Variants in TEDC1 observed in about 807,000 individuals in gnomAD.
TEDC1 encodes the protein tubulin epsilon and delta complex 1, also known as tubulin epsilon and delta complex protein 1.
A neutral mutation model predicts 59.9 loss-of-function variants in TEDC1; 54 were observed. That is an observed-to-expected ratio of 0.90 (90% CI 0.72 to 1.13). TEDC1 has a LOEUF of 1.13. Ranked by LOEUF, TEDC1 falls within the 50% of genes most tolerant of loss-of-function variation. The pLI, the probability that TEDC1 is intolerant of heterozygous loss-of-function variation, is 0.00. For missense variants in TEDC1, 734 were observed against 683.4 expected (o/e 1.07, Z -0.83); for synonymous variants, 353 against 298.1 (o/e 1.18, Z -1.90).
At chr14:105,496,146 G>GGGGGGGGGGGCCCCCCC in intron 6 of TEDC1, 60 bp downstream of exon 6, 1 of 331,606 alleles carries the variant, frequency 3.0e-6, no homozygotes, top group Non-Finnish European at 5.9e-6. Flanking sequence ...GGGTGGGAGG[G>GGGGGGGGGGGCCCCCCC]GGTGGCGAGG....
Position 105,499,241 on chromosome 14 carries a change from C to T in TEDC1, c.*295C>T, listed in dbSNP as rs782123224. 8.5e-5 allele frequency: 43 copies of T among 506,296 alleles called. 1 individual carries two copies. The highest frequency in any genetic ancestry group is 1.4e-4 in the Non-Finnish European group (40 of 282,550). The allele number at this position is 506,296 out of a possible 1,614,324, so 31.4% of individuals were successfully genotyped here. ...GCAGCTTTCCTGCCGCTGGCCCTCC[C>T]CCTGCCACCCTGTCGGGTTTCCCTG... On this transcript the variant is annotated 3_prime_UTR_variant, in exon 9 of 9. Transcript: ENST00000392523.
Position 105,493,912 on chromosome 14 carries a change from G to A in TEDC1, c.663G>A (p.Arg221=), listed in dbSNP as rs1050140279. 3.9e-5 allele frequency: 59 copies of A among 1,503,056 alleles called. No individual in the cohort carries two copies. Among genetic ancestry groups the A allele is most frequent in the Non-Finnish European group, 5.1e-5 (57 of 1,116,750 alleles). The allele number at this position is 1,503,056 out of a possible 1,614,324, so 93.1% of individuals were successfully genotyped here. A position where few individuals can be genotyped will look rare whatever the true frequency, so the allele number is the denominator to read the frequency against. ...CTGTCACTGAAGCAGAGATGCTCAG[G>A]GACCCAGAGGGAGGCCAGCAGGTGA... ...HLSVTEAEML[R]DPEGGQQVSG... is the part of the protein sequence containing the mutation. The change falls in exon 5 of 9, where the codon AGG becomes AGA. Residue 221 remains arginine, a synonymous_variant. Transcript: ENST00000392523.
At chr14:105,493,980 GCACAGCAGGGGGACT>G in intron 5 of TEDC1, 47 bp downstream of exon 5, 1 of 324,766 alleles carries the variant, frequency 3.1e-6, no homozygotes, top group Non-Finnish European at 6.0e-6. Context: ...GGGCTGGGGG[GCACAGCAGGGGGACT>G]GCCCAGGGTG....
At chr14:105,490,695 C>CA (rs2084185960), upstream of TEDC1, 1 of 199,782 alleles carries the variant, frequency 5.0e-6, no homozygotes, top group South Asian at 1.1e-4. Flanking sequence ...CGCCAGGGGC[C>CA]AGGGGCCGGC....
chr14:105,492,007 T>C lies in TEDC1; in HGVS notation c.227-100T>C, dbSNP rs925056339. 61 of 1,255,008 alleles carry C rather than the reference T, an allele frequency of 4.9e-5. No individual in the cohort carries two copies. The African/African-American group carries it at 8.3e-4, about 17-fold the overall frequency. The allele number at this position is 1,255,008 out of a possible 1,614,324, so 77.7% of individuals were successfully genotyped here. ...CTATCATCTCTTCTGAACTAGGCCT[T>C]GAGCTTCTGCTCAAGTGACCTGTGG... On this transcript the variant is annotated intron_variant, in intron 2 of 8. Transcript: ENST00000392523.
At position 105,492,595 on chromosome 14, in the gene TEDC1, G is replaced by T; in HGVS notation, c.446G>T (p.Ser149Ile). 2 of 1,540,024 alleles carry T rather than the reference G, an allele frequency of 1.3e-6. No homozygotes were observed. The highest frequency in any genetic ancestry group is 1.7e-6 in the Non-Finnish European group (2 of 1,146,852). ...MTVCQCEALA[S>I]PGPPAPHMEA... ...CCTCTCCAGTGTGAGGCCCTGGCCA[G>T]CCCTGGCCCACCTGCACCCCACATG... The change falls in exon 4 of 9, where the codon AGC becomes ATC. Residue 149 changes from serine to isoleucine, a missense_variant. Physicochemically the swap from Ser to Ile is moderately radical, Grantham distance 142. Transcript: ENST00000392523.
At chr14:105,496,854 A>G (rs1555440527) in intron 6 of TEDC1, 10 of 199,566 alleles carry the variant, frequency 5.0e-5, no homozygotes, top group Non-Finnish European at 3.0e-5. Flanking sequence ...TCACTGCCTT[A>G]GGGGGTCCCT....
rs908243661 is a variant in TEDC1, at chr14:105,499,216, G to A, written c.*270G>A. ...GGAGGGGACTCGGAAATAAATTGTA[G>A]CAGCTTTCCTGCCGCTGGCCCTCCC... On this transcript the variant is annotated 3_prime_UTR_variant, in exon 9 of 9. Coordinates refer to ENST00000392523, the MANE Select transcript of TEDC1 (RefSeq NM_001367178.1). 1.2e-4 allele frequency: 64 copies of A among 548,200 alleles called. No homozygotes were observed. Among genetic ancestry groups the A allele is most frequent in the Middle Eastern group, 4.8e-4 (1 of 2,070 alleles). The allele number at this position is 548,200 out of a possible 1,614,324, so 34.0% of individuals were successfully genotyped here. A position where few individuals can be genotyped will look rare whatever the true frequency, so the allele number is the denominator to read the frequency against.
rs1130308 is a variant in TEDC1 at position 105,498,870 on chromosome 14, G to A, written c.1412G>A (p.Gly471Glu). 3 of 1,612,168 alleles carry A rather than the reference G, an allele frequency of 1.9e-6. No individual in the cohort carries two copies. The highest frequency in any genetic ancestry group is 2.2e-5 in the South Asian group (2 of 90,792). The change falls in exon 9 of 9, where the codon GGA becomes GAA. Residue 471 changes from glycine (G) to glutamate (E), a missense_variant. By Grantham distance (98) the Gly-to-Glu change is moderately conservative (BLOSUM62 -2). Coordinates refer to ENST00000392523, the MANE Select transcript of TEDC1 (RefSeq NM_001367178.1). ...GAGGCGGTGCTACGTCGACTACAGGGACAGTGTCGGCAGGAACTGGCCAGG... is the reference window on the plus strand; with the variant it reads ...GAGGCGGTGCTACGTCGACTACAGGAACAGTGTCGGCAGGAACTGGCCAGG... ...CLEAVLRRLQ[G>E]QCRQELARLV...
Position 105,499,043 on chromosome 14 carries a change from G to T in TEDC1, c.*97G>T. 1.6e-6 allele frequency: 2 copies of T among 1,270,954 alleles called. No homozygotes were observed. Among genetic ancestry groups the T allele is most frequent in the Non-Finnish European group, 2.1e-6 (2 of 937,472 alleles). 78.7% of individuals were successfully genotyped at this position (1,270,954 alleles called of 1,614,324 possible). ...TCCAAGGCCAGGTGGCCGCAGGGAC[G>T]ATGCAGATGCAGAGCCCACGTCACA... is the stretch of plus-strand genomic sequence containing the variant. On this transcript the variant is annotated 3_prime_UTR_variant, in exon 9 of 9. Coordinates refer to ENST00000392523, the MANE Select transcript of TEDC1 (RefSeq NM_001367178.1).
At position 105,492,613 on chromosome 14, in the gene TEDC1, C is replaced by G. The variant is rs781995112; in HGVS notation, c.464C>G (p.Pro155Arg). ...EALASPGPPA[P>R]HMEAEGPVDV... ...CTGGCCAGCCCTGGCCCACCTGCAC[C>G]CCACATGGAAGCAGAGGGTCCTGTG... The change falls in exon 4 of 9, where the codon CCC (proline) becomes CGC (arginine). Residue 155 changes from proline (P) to arginine (R), a missense_variant. Coordinates refer to ENST00000392523, the MANE Select transcript of TEDC1 (RefSeq NM_001367178.1). 6.5e-7 allele frequency: 1 copy of G among 1,541,814 alleles called. No individual in the cohort carries two copies. Among genetic ancestry groups the G allele is most frequent in the South Asian group, 1.2e-5 (1 of 84,058 alleles).
chr14:105,497,643 T>C (rs1555440711), intron 7 of TEDC1, 155 bp from the exon 8 acceptor site: 19 of 1,156,898 alleles, frequency 1.6e-5, no homozygotes, highest in Non-Finnish European at 2.3e-5. Context: ...CATGGCCTTC[T>C]AGAGTGTGGC....
intron 7 of TEDC1, 88 bp downstream of exon 7, chr14:105,497,531 A>G: frequency 6.9e-7 from 1 of 1,457,598 alleles, no homozygotes; most frequent in Non-Finnish European, 9.2e-7. Context: ...TTTTCCAGAC[A>G]GGAAGAGGGG....
chr14:105,491,165 C>G, upstream of TEDC1: 1 of 1,550,418 alleles, frequency 6.4e-7, no homozygotes. Flanking sequence ...GTACAGGTCT[C>G]GGCCAGCGCG....
chr14:105,498,564 C>A (rs587707943), intron 8 of TEDC1, 53 bp from the exon 9 acceptor site: 5 of 1,470,066 alleles, frequency 3.4e-6, no homozygotes, highest in Admixed American at 2.4e-5. Context: ...GCTCAGGGAG[C>A]CTGAGGCCAG....
chr14:105,492,815 C>A (rs147817802), intron 4 of TEDC1, 81 bp downstream of exon 4: 9 of 1,486,520 alleles, frequency 6.1e-6, no homozygotes, highest in African/African-American at 1.4e-5. Context: ...CAGCCCGTCC[C>A]GTGAGGCCTG....
At chr14:105,498,517 C>T in intron 8 of TEDC1, 100 bp from the exon 9 acceptor site, 1 of 1,298,322 alleles carries the variant, frequency 7.7e-7, no homozygotes. Context: ...TTCCCGCATG[C>T]CTGCAGCGCC....
At chr14:105,496,146 G>GGGGGGGGGCCCCCCCCCCC in intron 6 of TEDC1, 60 bp downstream of exon 6, 1 of 331,608 alleles carries the variant, frequency 3.0e-6, no homozygotes. Flanking sequence ...GGGTGGGAGG[G>GGGGGGGGGCCCCCCCCCCC]GGTGGCGAGG....
chr14:105,491,403 C>T lies in TEDC1; in HGVS notation c.28C>T (p.Pro10Ser). ...GGGGAGGCGGCGGCAGCGGGTGGAC[C>T]CCGCGGCTGGGGCCCGGGCCGGGGC... The part of the protein sequence containing the change: MGRRRQRVD[P>S]AAGARAGALP... Residue 10 changes from proline to serine, a missense_variant, in exon 1 of 9, where the codon CCC becomes TCC. Coordinates refer to ENST00000392523, the MANE Select transcript of TEDC1 (RefSeq NM_001367178.1). The T allele has an allele frequency of 2.8e-6, 4 of 1,418,106 alleles. No homozygotes were observed. Among genetic ancestry groups the T allele is most frequent in the Non-Finnish European group, 3.7e-6 (4 of 1,095,546 alleles). 87.8% of individuals were successfully genotyped at this position (1,418,106 alleles called of 1,614,324 possible). A position where few individuals can be genotyped will look rare whatever the true frequency, so the allele number is the denominator to read the frequency against.
Sources: allele counts gnomAD v4.1 joint callset, GRCh38; gene constraint gnomAD v4.1.1; transcripts MANE v1.5; gene names NCBI Gene and HGNC (gene_info 2026-07-23, HGNC 2026-07-21).